Variants in ROBO2 observed in about 807,000 individuals in gnomAD.
ROBO2 encodes roundabout homolog 2.
ROBO2 carries 53 observed loss-of-function variants against 160.8 expected under a neutral mutation model. The observed-to-expected ratio is 0.33, with a 90% CI of 0.26 to 0.41. The LOEUF is 0.41. Among genes scored for constraint, ROBO2 ranks in the 10% least tolerant of loss-of-function variants. The pLI, the probability that ROBO2 is intolerant of heterozygous loss-of-function variation, is 1.00. For missense variants in ROBO2, 1,577 were observed against 1,722.4 expected, an observed-to-expected ratio of 0.92 and a Z score of 1.49; for synonymous variants, 664 against 611.7, an observed-to-expected ratio of 1.09 and a Z score of -1.26.
intron 2 of ROBO2, among the ~76,000 whole-genome samples, chr3:76,070,039 A>C (rs1271730253): frequency 6.6e-6 from 1 of 152,122 alleles, no homozygotes; most frequent in African/African-American, 2.4e-5. Context: ...TCAGATGAGG[A>C]GGATGTATGT....
At chr3:77,018,873 T>C (rs1436297815) in intron 2 of ROBO2, among the ~76,000 whole-genome samples, 1 of 152,064 alleles carries the variant, frequency 6.6e-6, no homozygotes, top group Admixed American at 6.6e-5. Context: ...AAGATACAAA[T>C]CCAAATTACT....
At chr3:77,368,408 C>A (rs1339103993) in intron 2 of ROBO2, among the ~76,000 whole-genome samples, 1 of 152,050 alleles carries the variant, frequency 6.6e-6, no homozygotes, top group East Asian at 1.9e-4. Flanking sequence ...TACTAACAGG[C>A]TTTGGGAATC....
intron 23 of ROBO2, among the ~76,000 whole-genome samples, chr3:77,627,413 G>A (rs1282652027): frequency 6.6e-6 from 1 of 151,936 alleles, no homozygotes; most frequent in Non-Finnish European, 1.5e-5. Flanking sequence ...CTGAGTAGCT[G>A]GGATTGCAGG....
At chr3:77,520,279 G>C (rs188203402) in intron 5 of ROBO2, among the ~76,000 whole-genome samples, 19 of 151,376 alleles carry the variant, frequency 1.3e-4, no homozygotes, top group Non-Finnish European at 7.4e-5. Flanking sequence ...CATAGAATGA[G>C]AAAAGTGACA....
Position 77,452,373 on chromosome 3 carries a change from C to T in ROBO2, c.389-25041C>T, listed in dbSNP as rs1197050305. ...ATTGTGGAAATATTATCTTTTTCTCCCGCTCTCTCCTTCTGAGCATATATA... is the reference window on the plus strand; with the variant it reads ...ATTGTGGAAATATTATCTTTTTCTCTCGCTCTCTCCTTCTGAGCATATATA... On this transcript the variant is annotated intron_variant, in intron 2 of 25. Coordinates refer to ENST00000461745, the Ensembl canonical transcript of ROBO2. Among the ~76,000 whole-genome samples, 4 of 152,026 alleles carry T rather than the reference C, an allele frequency of 2.6e-5. No homozygotes were observed. In the East Asian group the frequency reaches 7.7e-4, roughly 29 times the overall value.
At chr3:75,973,976 C>T (rs776517964) in intron 2 of ROBO2, among the ~76,000 whole-genome samples, 1 of 151,150 alleles carries the variant, frequency 6.6e-6, no homozygotes, top group Non-Finnish European at 1.5e-5. Context: ...AGGAGAAAAA[C>T]CATGGAAATG....
At chr3:77,116,092 A>G (rs1228981022) in intron 2 of ROBO2, among the ~76,000 whole-genome samples, 5 of 152,212 alleles carry the variant, frequency 3.3e-5, no homozygotes, top group Non-Finnish European at 7.3e-5. Context: ...AGAGAACTTA[A>G]TACCTGAAAT....
chr3:77,068,364 T>G (rs1489265166), intron 1 of ROBO2, among the ~76,000 whole-genome samples: 1 of 152,168 alleles, frequency 6.6e-6, no homozygotes, highest in East Asian at 1.9e-4. Context: ...TGTCATGATT[T>G]CTCAAGGGAA....
At chr3:77,624,846 T>TCCCTGAAA (rs1231056604) in intron 23 of ROBO2, among the ~76,000 whole-genome samples, 3 of 152,242 alleles carry the variant, frequency 2.0e-5, no homozygotes, top group South Asian at 2.1e-4. Flanking sequence ...GGTTACACAG[T>TCCCTGAAA]CCCTGAAACC....
chr3:77,254,055 C>G (rs1267485430), intron 2 of ROBO2, among the ~76,000 whole-genome samples: 1 of 151,914 alleles, frequency 6.6e-6, no homozygotes, highest in Admixed American at 6.6e-5. Context: ...TTTGTTTTTC[C>G]TTTAAAGATA....
chr3:75,958,651 G>C (rs1168051331), intron 2 of ROBO2, among the ~76,000 whole-genome samples: 1 of 151,678 alleles, frequency 6.6e-6, no homozygotes, highest in Non-Finnish European at 1.5e-5. Context: ...AGTGGTGGGA[G>C]AGGAGGTAAA....
At chr3:75,988,776 T>C (rs983117729) in intron 2 of ROBO2, among the ~76,000 whole-genome samples, 5 of 151,984 alleles carry the variant, frequency 3.3e-5, no homozygotes, top group Non-Finnish European at 5.9e-5. Flanking sequence ...TTTCAAAAAC[T>C]GAAATTTTCA....
chr3:77,394,904 C>A (rs1190467096), intron 2 of ROBO2, among the ~76,000 whole-genome samples: 1 of 152,114 alleles, frequency 6.6e-6, no homozygotes, highest in Non-Finnish European at 1.5e-5. Context: ...AATGCCAATT[C>A]TTCACTAATA....
chr3:77,547,742 G>A (rs1037808610), intron 7 of ROBO2, among the ~76,000 whole-genome samples: 1 of 152,004 alleles, frequency 6.6e-6, no homozygotes, highest in Non-Finnish European at 1.5e-5. Flanking sequence ...ACGTAGTGAC[G>A]GGAATGTAAG....
chr3:77,565,757 T>A (rs568575745), intron 12 of ROBO2, among the ~76,000 whole-genome samples: 11 of 152,098 alleles, frequency 7.2e-5, no homozygotes, highest in Non-Finnish European at 1.3e-4. Context: ...GAAATCAAGT[T>A]TTCTTTCTAA....
At chr3:76,990,608 G>C (rs1283905150) in intron 2 of ROBO2, among the ~76,000 whole-genome samples, 1 of 152,148 alleles carries the variant, frequency 6.6e-6, no homozygotes, top group African/African-American at 2.4e-5. Context: ...CGCCAAGAAT[G>C]TTAGGGACCA....
intron 13 of ROBO2, 29 bp downstream of exon 14, chr3:77,568,463 A>C: frequency 6.2e-7 from 1 of 1,612,112 alleles, no homozygotes; most frequent in Middle Eastern, 1.7e-4. Flanking sequence ...TGTTAATAGT[A>C]ATCTCTTCTC....
At chr3:76,334,155 T>G (rs6763658) in intron 2 of ROBO2, among the ~76,000 whole-genome samples, 103,724 of 151,766 alleles carry the variant, frequency 0.68, 39,615 homozygotes, top group Non-Finnish European at 0.87. Context: ...AAAATATATA[T>G]ATATACATAT....
chr3:76,723,011 T>A (rs910332998), intron 2 of ROBO2, among the ~76,000 whole-genome samples: 15 of 152,172 alleles, frequency 9.9e-5, no homozygotes, highest in African/African-American at 3.4e-4. Context: ...AGATATGTTT[T>A]GTCAGAAAAT....
Sources: gnomAD v4.1 joint callset for allele counts (sites outside exome capture counted in the v4.1 genomes callset) on GRCh38, gnomAD v4.1.1 for gene constraint, MANE v1.5 for transcripts, NCBI Gene and HGNC (gene_info 2026-07-23, HGNC 2026-07-21) for gene names.